Variants in IQCJ observed in about 807,000 individuals in gnomAD.
The protein encoded by IQCJ is IQ domain-containing protein J.
In IQCJ, 9 loss-of-function variants were observed where a neutral mutation model predicts 11.0. The ratio of observed to expected loss-of-function variants is 0.82; its 90% CI spans 0.49 to 1.43. The LOEUF is 1.43. Among genes scored for constraint, IQCJ ranks in the 40% most tolerant of loss-of-function variants. IQCJ has a pLI of 0.00. For missense variants in IQCJ, 146 were observed against 133.2 expected (o/e 1.10, Z -0.47); for synonymous variants, 55 against 51.3 (o/e 1.07, Z -0.31).
chr3:159,235,757 C>G (rs759678450), intron 1 of IQCJ, among the ~76,000 whole-genome samples: 1 of 152,128 alleles, frequency 6.6e-6, no homozygotes, highest in African/African-American at 2.4e-5. Flanking sequence ...TTGACATTTT[C>G]GCATGTGGCA....
At chr3:159,074,572 G>A (rs184364536) in intron 1 of IQCJ, among the ~76,000 whole-genome samples, 58 of 152,000 alleles carry the variant, frequency 3.8e-4, no homozygotes, top group Non-Finnish European at 7.4e-4. Flanking sequence ...TTCATCTCAG[G>A]CACTGCTCGT....
At chr3:159,248,744 C>T (rs971691921) in intron 2 of IQCJ, among the ~76,000 whole-genome samples, 2 of 152,194 alleles carry the variant, frequency 1.3e-5, no homozygotes, top group Non-Finnish European at 2.9e-5. Context: ...ATATTTTAGG[C>T]TCATTTCACT....
At chr3:159,245,522 C>T (rs532681463) in intron 1 of IQCJ, among the ~76,000 whole-genome samples, 45 of 135,674 alleles carry the variant, frequency 3.3e-4, no homozygotes, top group African/African-American at 1.0e-3. Flanking sequence ...AGTGCAGTGG[C>T]GCAATCTTGG....
At chr3:159,149,580 A>C (rs1400378442) in intron 1 of IQCJ, among the ~76,000 whole-genome samples, 2 of 152,206 alleles carry the variant, frequency 1.3e-5, no homozygotes, top group African/African-American at 4.8e-5. Flanking sequence ...AGAGAAGAGA[A>C]TGGAGAAATA....
At chr3:159,207,489 A>G (rs562837328) in intron 1 of IQCJ, among the ~76,000 whole-genome samples, 200 of 152,308 alleles carry the variant, frequency 1.3e-3, no homozygotes, top group Non-Finnish European at 2.2e-3. Flanking sequence ...CAAAGCAAAA[A>G]ATAAATGTCC....
chr3:159,246,810 TAA>T (rs1355383850), intron 2 of IQCJ, among the ~76,000 whole-genome samples: 1 of 152,142 alleles, frequency 6.6e-6, no homozygotes, highest in Non-Finnish European at 1.5e-5. Flanking sequence ...GATGTTCCTA[TAA>T]AAGAGAGGCT....
At chr3:159,086,863 A>T (rs553178012) in intron 1 of IQCJ, among the ~76,000 whole-genome samples, 17 of 152,246 alleles carry the variant, frequency 1.1e-4, no homozygotes, top group Admixed American at 2.0e-4. Flanking sequence ...TCATCTGCAA[A>T]CAGGGACAAT....
chr3:159,137,154 C>T (rs917682135), intron 1 of IQCJ, among the ~76,000 whole-genome samples: 5 of 151,620 alleles, frequency 3.3e-5, no homozygotes, highest in African/African-American at 4.8e-5. Context: ...CCCAGCTACT[C>T]GGGAGGCTGG....
At chr3:159,191,156 C>T (rs546380199) in intron 1 of IQCJ, among the ~76,000 whole-genome samples, 2 of 152,160 alleles carry the variant, frequency 1.3e-5, no homozygotes, top group Non-Finnish European at 2.9e-5. Flanking sequence ...TTGGTGGAAA[C>T]GGGTTCTGCA....
intron 1 of IQCJ, among the ~76,000 whole-genome samples, chr3:159,102,039 G>A (rs1413525957): frequency 6.6e-6 from 1 of 152,162 alleles, no homozygotes; most frequent in African/African-American, 2.4e-5. Context: ...GGCAGTCCTT[G>A]TATTTTCTCT....
chr3:159,155,854 G>A (rs1269987106), intron 1 of IQCJ, among the ~76,000 whole-genome samples: 5 of 152,168 alleles, frequency 3.3e-5, no homozygotes, highest in Non-Finnish European at 1.5e-5. Context: ...TAAACATAAT[G>A]CATATTACCA....
intron 1 of IQCJ, among the ~76,000 whole-genome samples, chr3:159,238,197 C>T (rs959171811): frequency 7.2e-5 from 11 of 152,244 alleles, no homozygotes; most frequent in African/African-American, 1.9e-4. Context: ...TATGTCCAAC[C>T]GTGCTCCAGC....
intron 1 of IQCJ, among the ~76,000 whole-genome samples, chr3:159,211,168 AAAATATTGTAT>A (rs1724929240): frequency 6.6e-6 from 1 of 152,200 alleles, no homozygotes; most frequent in African/African-American, 2.4e-5. Flanking sequence ...GCTATTTCTG[AAAATATTGTAT>A]TGGGGGAGGT....
At chr3:159,104,394 T>C (rs1486098966) in intron 1 of IQCJ, among the ~76,000 whole-genome samples, 2 of 152,256 alleles carry the variant, frequency 1.3e-5, no homozygotes, top group Admixed American at 1.3e-4. Flanking sequence ...TCAGTATGAG[T>C]ACAGTGATGT....
At chr3:159,154,628 T>C (rs1721414436) in intron 1 of IQCJ, among the ~76,000 whole-genome samples, 2 of 152,082 alleles carry the variant, frequency 1.3e-5, no homozygotes, top group African/African-American at 4.8e-5. Flanking sequence ...AGAGGTTTGG[T>C]CTACTCACTT....
intron 1 of IQCJ, among the ~76,000 whole-genome samples, chr3:159,135,255 G>T (rs113348867): frequency 0.021 from 3,125 of 152,070 alleles, 104 homozygotes; most frequent in African/African-American, 0.072. Flanking sequence ...TTCTTTTCTG[G>T]GTAAGGCTTT....
At chr3:159,247,135 T>C (rs1311817366) in intron 2 of IQCJ, among the ~76,000 whole-genome samples, 4 of 152,140 alleles carry the variant, frequency 2.6e-5, no homozygotes, top group Admixed American at 2.6e-4. Flanking sequence ...CTCACTCTGT[T>C]GCCCAGGCTG....
chr3:159,161,431 C>A (rs1015258654), intron 1 of IQCJ, among the ~76,000 whole-genome samples: 3 of 152,074 alleles, frequency 2.0e-5, no homozygotes, highest in Non-Finnish European at 4.4e-5. Context: ...TGGATATTAG[C>A]CCTTTGTCAG....
chr3:159,177,021 T>G (rs930936618), intron 1 of IQCJ, among the ~76,000 whole-genome samples: 7 of 152,192 alleles, frequency 4.6e-5, no homozygotes, highest in Non-Finnish European at 1.5e-5. Context: ...TGTATTTGAT[T>G]GTTACATGCT....
Sources: allele counts gnomAD v4.1 joint callset (sites outside exome capture counted in the v4.1 genomes callset), GRCh38; gene constraint gnomAD v4.1.1; transcripts MANE v1.5; gene names NCBI Gene and HGNC (gene_info 2026-07-23, HGNC 2026-07-21).